Variants in DIS3L2 observed in about 807,000 individuals in gnomAD.
DIS3L2 encodes the protein DIS3 like 3'-5' exoribonuclease 2.
In DIS3L2, 34 loss-of-function variants were observed where a neutral mutation model predicts 97.5. The observed-to-expected ratio is 0.35, with a 90% CI of 0.27 to 0.46. The LOEUF is 0.46. DIS3L2 is among the 20% of genes least tolerant of loss of function. The probability of loss-of-function intolerance (pLI) is 1.00; values close to 1 mark genes in which losing one functional copy is unlikely to be tolerated. For synonymous variants in DIS3L2, 435 were observed against 445.2 expected (o/e 0.98, Z 0.29); for missense variants, 1,038 against 1,146.0 (o/e 0.91, Z 1.36).
intron 4 of DIS3L2, among the ~76,000 whole-genome samples, chr2:232,026,496 C>T (rs1366685126): frequency 6.6e-6 from 1 of 152,004 alleles, no homozygotes; most frequent in East Asian, 1.9e-4. Context: ...AAGCTATGTC[C>T]ATACCCATTA....
At chr2:232,327,022 CCCTCCTGTCCTTGT>C (rs1435508758) in intron 14 of DIS3L2, among the ~76,000 whole-genome samples, 1 of 152,204 alleles carries the variant, frequency 6.6e-6, no homozygotes, top group Non-Finnish European at 1.5e-5. Flanking sequence ...CCTGTCCCCT[CCCTCCTGTCCTTGT>C]CCTCGTGTTT....
chr2:232,105,588 T>C (rs973612322), intron 6 of DIS3L2, among the ~76,000 whole-genome samples: 8 of 152,198 alleles, frequency 5.3e-5, no homozygotes, highest in Admixed American at 6.5e-5. Flanking sequence ...CCTAGGCAGC[T>C]TGGGTTTCAG....
At position 232,300,102 on chromosome 2, in the gene DIS3L2, G is replaced by T. The variant is rs191608083; in HGVS notation, c.1722G>T (p.Glu574Asp). ...TGLPQGCHIYEYRESNKLVEE... is the reference protein window; with the variant it reads ...TGLPQGCHIYDYRESNKLVEE... ...TGCCTCAAGGATGTCATATCTATGA[G>T]TACCGCGAGAGCAACAAGTAAGCCA... Residue 574 changes from glutamate (E) to aspartate (D), a missense_variant, in exon 14 of 21, where the codon GAG becomes GAT. By Grantham distance (45) the Glu-to-Asp change is conservative (BLOSUM62 2). Coordinates refer to ENST00000325385, the MANE Select transcript of DIS3L2 (RefSeq NM_152383.5). The T allele has an allele frequency of 3.9e-4, 630 of 1,613,772 alleles. No individual in the cohort carries two copies. Among genetic ancestry groups the T allele is most frequent in the Non-Finnish European group, 4.8e-4 (567 of 1,179,720 alleles).
At chr2:232,127,269 G>A (rs1301547013) in intron 6 of DIS3L2, among the ~76,000 whole-genome samples, 1 of 152,070 alleles carries the variant, frequency 6.6e-6, no homozygotes, top group Admixed American at 6.6e-5. Context: ...CTATCAAATA[G>A]AACCACCTCC....
chr2:232,218,278 T>C (rs923333), intron 10 of DIS3L2, among the ~76,000 whole-genome samples: 85,857 of 152,152 alleles, frequency 0.56, 27,393 homozygotes, highest in African/African-American at 0.84. Flanking sequence ...GTCCATGTCA[T>C]GTGCACATCA....
chr2:232,261,606 A>G (rs1693713718), intron 12 of DIS3L2, among the ~76,000 whole-genome samples: 1 of 152,172 alleles, frequency 6.6e-6, no homozygotes, highest in African/African-American at 2.4e-5. Context: ...CCCTCCTCAC[A>G]GCGTCTCCAG....
chr2:231,962,312 G>A (rs1056694862), intron 1 of DIS3L2, among the ~76,000 whole-genome samples: 1 of 151,614 alleles, frequency 6.6e-6, no homozygotes, highest in Non-Finnish European at 1.5e-5. Context: ...TGGGGGATAC[G>A]CATGCAGGTT....
intron 5 of DIS3L2, among the ~76,000 whole-genome samples, chr2:232,065,750 T>C (rs1205456524): frequency 6.6e-6 from 1 of 151,984 alleles, no homozygotes; most frequent in Non-Finnish European, 1.5e-5. Flanking sequence ...GTAGATCAAT[T>C]TGGGGTCCAA....
chr2:232,208,765 C>T (rs1487889674), intron 9 of DIS3L2, among the ~76,000 whole-genome samples: 2 of 152,124 alleles, frequency 1.3e-5, no homozygotes, highest in African/African-American at 2.4e-5. Context: ...TCGTAGCTCA[C>T]ACCTGTAATC....
At chr2:232,158,042 C>A (rs1690545569) in intron 8 of DIS3L2, among the ~76,000 whole-genome samples, 1 of 152,174 alleles carries the variant, frequency 6.6e-6, no homozygotes, top group South Asian at 2.1e-4. Context: ...AATCTTTCTT[C>A]TTTCAGGTCC....
intron 8 of DIS3L2, among the ~76,000 whole-genome samples, chr2:232,141,146 A>G (rs1035678026): frequency 6.6e-6 from 1 of 152,158 alleles, no homozygotes; most frequent in African/African-American, 2.4e-5. Flanking sequence ...AAACTCTTGC[A>G]GTGGAATTCA....
intron 8 of DIS3L2, among the ~76,000 whole-genome samples, chr2:232,153,983 A>T (rs1321422043): frequency 6.9e-6 from 1 of 144,536 alleles, no homozygotes; most frequent in Non-Finnish European, 1.5e-5. Flanking sequence ...CCTTTCTTCC[A>T]GTTGATCGCA....
intron 4 of DIS3L2, among the ~76,000 whole-genome samples, chr2:232,025,539 G>T (rs1476703105): frequency 6.6e-6 from 1 of 152,074 alleles, no homozygotes; most frequent in Non-Finnish European, 1.5e-5. Context: ...TTCTTTCTCA[G>T]TCATATTCTG....
At chr2:232,253,121 C>T (rs1693462722) in intron 12 of DIS3L2, among the ~76,000 whole-genome samples, 1 of 152,170 alleles carries the variant, frequency 6.6e-6, no homozygotes, top group Non-Finnish European at 1.5e-5. Context: ...ACCAGCGTAC[C>T]TCTACATGCA....
At chr2:232,186,510 T>C (rs1201850441) in intron 9 of DIS3L2, among the ~76,000 whole-genome samples, 2 of 152,214 alleles carry the variant, frequency 1.3e-5, no homozygotes, top group South Asian at 2.1e-4. Context: ...TTACACAATC[T>C]TTGCTTGAAA....
chr2:232,232,623 G>C (rs1016213980), intron 10 of DIS3L2, among the ~76,000 whole-genome samples: 66 of 152,242 alleles, frequency 4.3e-4, no homozygotes, highest in African/African-American at 1.3e-3. Flanking sequence ...CACTTCCTGG[G>C]ACAGGAAACA....
intron 14 of DIS3L2, among the ~76,000 whole-genome samples, chr2:232,310,838 G>A (rs1559206128): frequency 6.6e-6 from 1 of 152,220 alleles, no homozygotes; most frequent in Non-Finnish European, 1.5e-5. Context: ...GCAAGGCCTG[G>A]GGCAGCACAG....
chr2:232,335,421 G>A (rs941839293), intron 19 of DIS3L2: 7 of 283,638 alleles, frequency 2.5e-5, no homozygotes, highest in Non-Finnish European at 4.1e-5. Flanking sequence ...CCTGCTGTGG[G>A]CCCAGCCCTG....
At chr2:232,307,300 G>C (rs1324152893) in intron 14 of DIS3L2, among the ~76,000 whole-genome samples, 1 of 152,224 alleles carries the variant, frequency 6.6e-6, no homozygotes, top group East Asian at 1.9e-4. Flanking sequence ...TAGGAAGGGA[G>C]GGAGCATGGC....
Sources: allele counts gnomAD v4.1 joint callset (sites outside exome capture counted in the v4.1 genomes callset), GRCh38; gene constraint gnomAD v4.1.1; transcripts MANE v1.5; gene names NCBI Gene and HGNC (gene_info 2026-07-23, HGNC 2026-07-21).